The following SPTBN4 variants were observed in gnomAD, a reference collection of about 807,000 sequenced individuals.
SPTBN4 encodes the protein spectrin beta chain, non-erythrocytic 4.
In SPTBN4, 96 loss-of-function variants were observed where a neutral mutation model predicts 277.8. The ratio of observed to expected loss-of-function variants is 0.35; its 90% CI spans 0.29 to 0.41. The LOEUF (loss-of-function observed/expected upper bound fraction) is 0.41, where lower values mean the gene tolerates loss of function less well. SPTBN4 is among the 10% of genes least tolerant of loss of function. The pLI is 1.00. For missense variants in SPTBN4, 3,006 were observed against 3,595.7 expected, an observed-to-expected ratio of 0.84 and a Z score of 4.19; for synonymous variants, 1,481 against 1,580.3, an observed-to-expected ratio of 0.94 and a Z score of 1.49.
rs2080706535 is a variant in SPTBN4 at position 40,533,978 on chromosome 19, T to C, written c.4096-102T>C. 3.6e-6 allele frequency: 5 copies of C among 1,407,420 alleles called. No homozygotes were observed. In the East Asian group the frequency reaches 1.2e-4, roughly 35 times the overall value. The allele number at this position is 1,407,420 out of a possible 1,614,324, so 87.2% of individuals were successfully genotyped here. A position where few individuals can be genotyped will look rare whatever the true frequency, so the allele number is the denominator to read the frequency against. ...CCCACTCCCTGCCTCTGATTCTCTT[T>C]TCACATCCTTCCCTGTGTCCTGTCA... On this transcript the variant is annotated intron_variant, in intron 19 of 35. Coordinates refer to ENST00000598249, the MANE Select transcript of SPTBN4 (RefSeq NM_020971.3).
rs1289016442 is a variant in SPTBN4, at chr19:40,550,314, T to A, written c.4661T>A (p.Ile1554Asn). The change falls in exon 22 of 36, where the codon ATC (isoleucine) becomes AAC (asparagine). Residue 1554 changes from isoleucine (I) to asparagine (N), a missense_variant. Ile to Asn is a moderately radical substitution (Grantham distance 149, BLOSUM62 -3). Around this residue, in one of 5 missense-constraint regions of SPTBN4, gnomAD observed 1,759 missense variants for 2,061.5 expected, o/e 0.85. Transcript: ENST00000598249. ...GNGLQAVQQH[I>N]KKNQGLRREI... ...GGTTTGCAGGCGGTCCAGCAGCACA[T>A]CAAAAAGAACCAGGTGAGCAGAGCC... The A allele has an allele frequency of 6.2e-7, 1 of 1,609,260 alleles. No homozygotes were observed. The highest frequency in any genetic ancestry group is 1.7e-5 in the Admixed American group (1 of 59,984).
At chr19:40,548,446 G>A (rs1418113196) in intron 20 of SPTBN4, among the ~76,000 whole-genome samples, 1 of 151,670 alleles carries the variant, frequency 6.6e-6, no homozygotes, top group African/African-American at 2.4e-5. Context: ...AGCTGAGGTT[G>A]CCCACTGCAC....
At chr19:40,506,767 C>G (rs1163129386) in intron 13 of SPTBN4, among the ~76,000 whole-genome samples, 1 of 152,114 alleles carries the variant, frequency 6.6e-6, no homozygotes, top group Non-Finnish European at 1.5e-5. Flanking sequence ...CACTTGAGCC[C>G]AGGAATTCAA....
In SPTBN4 at chr19:40,522,647, C is replaced by T. The variant is rs375027636; in HGVS notation, c.3655-790C>T. Among the ~76,000 whole-genome samples the T allele has an allele frequency of 3.1e-3, 465 of 152,102 alleles. 2 individuals are homozygous for T. The highest frequency in any genetic ancestry group is 4.9e-3 in the Admixed American group (75 of 15,264). ...GATTACAGGCATGAGCCACCATGTC[C>T]GGCCTAATATTAACCAAATATTTAC... On this transcript the variant is annotated intron_variant, in intron 16 of 35. Transcript: ENST00000598249.
intron 35 of SPTBN4, 179 bp downstream of exon 35, chr19:40,572,559 G>C: frequency 1.4e-6 from 1 of 697,432 alleles, no homozygotes; most frequent in Non-Finnish European, 2.4e-6. Context: ...CCAGTGGGGA[G>C]TGGGAAGGGC....
intron 27 of SPTBN4, among the ~76,000 whole-genome samples, chr19:40,561,436 T>C (rs2081041579): frequency 6.6e-6 from 1 of 152,270 alleles, no homozygotes; most frequent in Admixed American, 6.5e-5. Flanking sequence ...AGCAAATATG[T>C]ATTAAATGCA....
At chr19:40,570,012 A>G (rs1433613472) in intron 32 of SPTBN4, among the ~76,000 whole-genome samples, 1 of 150,012 alleles carries the variant, frequency 6.7e-6, no homozygotes, top group Non-Finnish European at 1.5e-5. Context: ...AGACACACAG[A>G]CACAGATACA....
chr19:40,568,205 CGAGCGGCGT>C lies in SPTBN4; in HGVS notation c.6888_6896del (p.Glu2297_Arg2299del). On this transcript the variant is annotated inframe_deletion, in exon 31 of 36. Coordinates refer to ENST00000598249, the MANE Select transcript of SPTBN4 (RefSeq NM_020971.3). Reference sequence around the variant, plus strand: ...GCTATGAGCAGATGGAGCGGCGGCGCGAGCGGCGTGAGCGGCGCTTGGAGCGGCAGGAGT... The same window carrying C: ...GCTATGAGCAGATGGAGCGGCGGCGCGAGCGGCGCTTGGAGCGGCAGGAGT... 3 of 1,598,724 alleles carry C rather than the reference CGAGCGGCGT, an allele frequency of 1.9e-6. No homozygotes were observed. Among genetic ancestry groups the C allele is most frequent in the Middle Eastern group, 1.7e-4 (1 of 5,978 alleles).
chr19:40,563,661 C>T (rs1004066734), intron 27 of SPTBN4, among the ~76,000 whole-genome samples: 8 of 135,020 alleles, frequency 5.9e-5, no homozygotes, highest in East Asian at 2.1e-4. Flanking sequence ...CTCAGCCAAG[C>T]GGAGATCGCA....
At chr19:40,489,967 C>A in intron 3 of SPTBN4, 108 bp from the exon 4 acceptor site, 4 of 1,198,678 alleles carry the variant, frequency 3.3e-6, no homozygotes, top group Non-Finnish European at 4.6e-6. Context: ...CCTGGACACT[C>A]AGGGGGCGTG....
Position 40,487,761 on chromosome 19 carries a change from G to A in SPTBN4, c.234G>A (p.Val78=), listed in dbSNP as rs533707879. The A allele has an allele frequency of 2.5e-6, 4 of 1,613,676 alleles. 1 individual carries two copies. The highest frequency in any genetic ancestry group is 3.4e-6 in the Non-Finnish European group (4 of 1,179,862). Residue 78 remains valine (V), a synonymous_variant, in exon 3 of 36, where the codon GTG becomes GTA. Coordinates refer to ENST00000598249, the MANE Select transcript of SPTBN4 (RefSeq NM_020971.3). ...GGGTGAACTCGCACCTCGCCCGCGTGGGCTGCCACATCGGGGACCTCTATG... is the reference window on the plus strand; with the variant it reads ...GGGTGAACTCGCACCTCGCCCGCGTAGGCTGCCACATCGGGGACCTCTATG... ...TKWVNSHLAR[V]GCHIGDLYVD...
At chr19:40,470,744 T>A (rs2079875282) in intron 1 of SPTBN4, among the ~76,000 whole-genome samples, 2 of 152,028 alleles carry the variant, frequency 1.3e-5, no homozygotes, top group Non-Finnish European at 2.9e-5. Flanking sequence ...ACGATTCTCC[T>A]CCCTCAGCCT....
chr19:40,566,509 C>G (rs1002467184), intron 30 of SPTBN4, 150 bp downstream of exon 30: 3 of 665,402 alleles, frequency 4.5e-6, no homozygotes, highest in Admixed American at 3.7e-5. Context: ...CCCAGTGGAG[C>G]AGAGGGACAG....
At chr19:40,484,586 A>G (rs1304521037) in intron 2 of SPTBN4, among the ~76,000 whole-genome samples, 1 of 152,106 alleles carries the variant, frequency 6.6e-6, no homozygotes, top group Non-Finnish European at 1.5e-5. Flanking sequence ...TATGGGAGTC[A>G]GGGGAAGAAA....
In SPTBN4 at chr19:40,512,882, T is replaced by C; in HGVS notation, c.2093T>C (p.Leu698Pro). 4 of 1,446,574 alleles carry C rather than the reference T, an allele frequency of 2.8e-6. No individual in the cohort carries two copies. Among genetic ancestry groups the C allele is most frequent in the Non-Finnish European group, 3.6e-6 (4 of 1,111,592 alleles). 89.6% of individuals were successfully genotyped at this position (1,446,574 alleles called of 1,614,324 possible). Residue 698 changes from leucine to proline, a missense_variant, in exon 14 of 36, where the codon CTG (leucine) becomes CCG (proline). By Grantham distance (98) the Leu-to-Pro change is moderately conservative. Around this residue, in one of 5 missense-constraint regions of SPTBN4, gnomAD observed 1,759 missense variants for 2,061.5 expected, o/e 0.85. Transcript: ENST00000598249. ...GACCTGTCCAGCACAGCGCGCCTCC[T>C]GGCCCAGCACAAGATCCTGCAGGGC... is the stretch of plus-strand genomic sequence containing the variant. ...AHDLSSTARL[L>P]AQHKILQGEL...
intron 13 of SPTBN4, among the ~76,000 whole-genome samples, chr19:40,508,111 C>T (rs1050437681): frequency 3.9e-5 from 6 of 152,188 alleles, no homozygotes; most frequent in South Asian, 4.1e-4. Flanking sequence ...GTGATCTAAT[C>T]GGCCACATGC....
At position 40,529,109 on chromosome 19, in the gene SPTBN4, A is replaced by T. The variant is rs752342369; in HGVS notation, c.3926A>T (p.His1309Leu). The T allele has an allele frequency of 6.2e-7, 1 of 1,613,996 alleles. No homozygotes were observed. Among genetic ancestry groups the T allele is most frequent in the South Asian group, 1.1e-5 (1 of 91,082 alleles). The part of the protein sequence containing the change: ...QKLHDQLELQ[H>L]FLRDCHELDG... ...CTACATGACCAACTTGAGCTGCAGC[A>T]CTTCCTCCGAGACTGCCACGAGGTA... The change falls in exon 18 of 36, where the codon CAC becomes CTC. Residue 1309 changes from histidine to leucine, a missense_variant. Coordinates refer to ENST00000598249, the MANE Select transcript of SPTBN4 (RefSeq NM_020971.3).
chr19:40,556,379 AG>A, intron 25 of SPTBN4, 91 bp downstream of exon 25: 1 of 1,157,136 alleles, frequency 8.6e-7, no homozygotes, highest in Non-Finnish European at 1.2e-6. Flanking sequence ...GGATAATAAC[AG>A]CACCCGCCTC....
chr19:40,525,796 A>G (rs909978063), intron 17 of SPTBN4, among the ~76,000 whole-genome samples: 4 of 152,184 alleles, frequency 2.6e-5, no homozygotes, highest in Non-Finnish European at 5.9e-5. Flanking sequence ...GAGGAAGTCC[A>G]GGCAGAAAGG....
Sources: gnomAD v4.1 joint callset for allele counts (sites outside exome capture counted in the v4.1 genomes callset) on GRCh38, gnomAD v4.1.1 for gene constraint, gnomAD v4.1.1 regional missense constraint, MANE v1.5 for transcripts, NCBI Gene and HGNC (gene_info 2026-07-23, HGNC 2026-07-21) for gene names.